The following RAVER1 variants were observed in gnomAD, a reference collection of about 807,000 sequenced individuals.
RAVER1 encodes the protein ribonucleoprotein, PTB binding 1.
In RAVER1, 36 loss-of-function variants were observed where a neutral mutation model predicts 68.4. The ratio of observed to expected loss-of-function variants is 0.53; its 90% confidence interval spans 0.40 to 0.70. RAVER1 has a LOEUF of 0.70. RAVER1 is among the 30% of genes least tolerant of loss of function. RAVER1 has a pLI of 0.00. For synonymous variants in RAVER1, 469 were observed against 472.7 expected (o/e 0.99, Z 0.10); for missense variants, 933 against 1,019.8 (o/e 0.91, Z 1.16).
chr19:10,324,287 G>A (rs543075345), intron 3 of RAVER1, among the ~76,000 whole-genome samples: 1 of 152,302 alleles, frequency 6.6e-6, no homozygotes, highest in African/African-American at 2.4e-5. Flanking sequence ...CTGAATGCCC[G>A]GGCAGCAAAG....
Position 10,320,769 on chromosome 19 carries a change from G to T in RAVER1, c.1656C>A (p.Gly552=). 6.7e-7 allele frequency: 1 copy of T among 1,481,810 alleles called. No homozygotes were observed. The allele number at this position is 1,481,810 out of a possible 1,614,324, so 91.8% of individuals were successfully genotyped here. A position where few individuals can be genotyped will look rare whatever the true frequency, so the allele number is the denominator to read the frequency against. The change falls in exon 9 of 13, where the codon GGC becomes GGA. Residue 552 remains glycine (G), a synonymous_variant. Coordinates refer to ENST00000617231, the MANE Select transcript of RAVER1 (RefSeq NM_133452.3). Reference sequence around the variant, plus strand: ...GCTGGAAGGCTTTGCTGCTGCTGCTGCCACCTCCAGGGGCTGGGGGGTTAG... The same window carrying T: ...GCTGGAAGGCTTTGCTGCTGCTGCTTCCACCTCCAGGGGCTGGGGGGTTAG... ...PPTNPPAPGG[G]SSSSKAFQLK... is the part of the protein sequence containing the mutation.
In RAVER1 at chr19:10,321,554, G is replaced by A; in HGVS notation, c.1238C>T (p.Pro413Leu). The change falls in exon 7 of 13, where the codon CCC becomes CTC. Residue 413 changes from proline to leucine, a missense_variant. Around this residue, in one of 3 missense-constraint regions of RAVER1, gnomAD observed 699 missense variants for 731.1 expected, o/e 0.96. Coordinates refer to ENST00000617231, the MANE Select transcript of RAVER1 (RefSeq NM_133452.3). ...ALQPGAQPANPLLGELPAGGG... is the reference protein window; with the variant it reads ...ALQPGAQPANLLLGELPAGGG... Reference sequence around the variant, plus strand: ...ACCTGCAGGCAGCTCCCCGAGGAGGGGGTTGGCTGGCTGGGCCCCAGGCTG... The same window carrying A: ...ACCTGCAGGCAGCTCCCCGAGGAGGAGGTTGGCTGGCTGGGCCCCAGGCTG... 1 of 1,369,492 alleles carries A rather than the reference G, an allele frequency of 7.3e-7. No homozygotes were observed. The highest frequency in any genetic ancestry group is 2.2e-5 in the South Asian group (1 of 46,300). The allele number at this position is 1,369,492 out of a possible 1,614,324, so 84.8% of individuals were successfully genotyped here.
Position 10,321,048 on chromosome 19 carries a change from C to CT in RAVER1, c.1472_1473insA (p.Val492GlyfsTer33). 1 of 1,399,338 alleles carries CT rather than the reference C, an allele frequency of 7.1e-7. No homozygotes were observed. The highest frequency in any genetic ancestry group is 3.3e-5 in the Admixed American group (1 of 29,852). The allele number at this position is 1,399,338 out of a possible 1,614,324, so 86.7% of individuals were successfully genotyped here. A position where few individuals can be genotyped will look rare whatever the true frequency, so the allele number is the denominator to read the frequency against. ...TGCCGCGCGCAGGGCAGGGCCTTAC[C>CT]CCAGGGGGCGTCGGCAGAGGCCCAC... On this transcript the variant is annotated frameshift_variant and splice_region_variant, in exon 8 of 13. Transcript: ENST00000617231. LOFTEE classifies it high-confidence loss of function.
In RAVER1 at chr19:10,328,026, C is replaced by T. The variant is rs371560737; in HGVS notation, c.756+616G>A. 1.3e-5 allele frequency among the ~76,000 whole-genome samples: 2 copies of T among 152,122 alleles called. No homozygotes were observed. Among genetic ancestry groups the T allele is most frequent in the African/African-American group, 2.4e-5 (1 of 41,416 alleles). ...CAGATCAGAGAGCCAGTGACTGGCC[C>T]GAGCTCGAGGGCGGGGCTGGGATCT... On this transcript the variant is annotated intron_variant, in intron 3 of 12. Coordinates refer to ENST00000617231, the MANE Select transcript of RAVER1 (RefSeq NM_133452.3). This position sits in a 1 kb window ranked among gnomAD's most constrained non-coding sequence, Gnocchi z 4.4.
In RAVER1 at chr19:10,328,598, T is replaced by C. The variant is rs1420973052; in HGVS notation, c.756+44A>G. 1 of 1,330,360 alleles carries C rather than the reference T, an allele frequency of 7.5e-7. No individual in the cohort carries two copies. Among genetic ancestry groups the C allele is most frequent in the South Asian group, 1.3e-5 (1 of 75,070 alleles). 82.4% of individuals were successfully genotyped at this position (1,330,360 alleles called of 1,614,324 possible). Reference sequence around the variant, plus strand: ...TGACTCCAAAGACTCTCTCAGGTGCTCCGGGCCTGGCACCTGCTCCCCAAT... The same window carrying C: ...TGACTCCAAAGACTCTCTCAGGTGCCCCGGGCCTGGCACCTGCTCCCCAAT... On this transcript the variant is annotated intron_variant, in intron 3 of 12. Transcript: ENST00000617231. The surrounding 1 kb of genome is among the most constrained non-coding windows in gnomAD (Gnocchi z 4.4).
Position 10,321,594 on chromosome 19 carries a change from G to T in RAVER1, c.1198C>A (p.Pro400Thr). The stretch of plus-strand genomic sequence containing the variant: ...GCCCCAGGCTGGAGGGCGCCCAGGG[G>T]TGAGTCTCCCAGGATGCCGGGCTTC... ...QKKPGILGDS[P>T]LGALQPGAQP... is the part of the protein sequence containing the mutation. Residue 400 changes from proline to threonine, a missense_variant, in exon 7 of 13, where the codon CCC (proline) becomes ACC (threonine). Pro to Thr is a conservative substitution (Grantham distance 38). This residue lies in a region of RAVER1 where 699 missense variants were observed against 731.1 expected (regional missense o/e 0.96). Coordinates refer to ENST00000617231, the MANE Select transcript of RAVER1 (RefSeq NM_133452.3). 7.1e-7 allele frequency: 1 copy of T among 1,406,618 alleles called. No individual in the cohort carries two copies. Among genetic ancestry groups the T allele is most frequent in the Non-Finnish European group, 9.3e-7 (1 of 1,075,638 alleles). The allele number at this position is 1,406,618 out of a possible 1,614,324, so 87.1% of individuals were successfully genotyped here.
chr19:10,318,347 C>A lies in RAVER1; in HGVS notation c.1871G>T (p.Gly624Val), dbSNP rs932512978. The A allele has an allele frequency of 1.9e-6, 3 of 1,602,476 alleles. No individual in the cohort carries two copies. The highest frequency in any genetic ancestry group is 1.7e-4 in the Middle Eastern group (1 of 6,040). Residue 624 changes from glycine to valine, a missense_variant, in exon 11 of 13, where the codon GGC becomes GTC. Coordinates refer to ENST00000617231, the MANE Select transcript of RAVER1 (RefSeq NM_133452.3). The part of the protein sequence containing the change: ...HKMSPPPSGF[G>V]ERSSGGSGGG... ...GCCACTCCCACCGCTGCTCCGTTCG[C>A]CGAAGCCACTGGGCGGGGGGGACAT...
rs773293787 is a variant in RAVER1 at position 10,323,422 on chromosome 19, G to T, written c.901C>A (p.Pro301Thr). Residue 301 changes from proline (P) to threonine (T), a missense_variant, in exon 4 of 13, where the codon CCC (proline) becomes ACC (threonine). Pro to Thr is a conservative substitution (Grantham distance 38, BLOSUM62 -1). Coordinates refer to ENST00000617231, the MANE Select transcript of RAVER1 (RefSeq NM_133452.3). This position sits in a 1 kb window ranked among gnomAD's most constrained non-coding sequence, Gnocchi z 6.2. ...GCGGCCAGCATACTGCGGCCGGGGG[G>T]CCCAGGGGCGCAGAAGGAGACTCGC... ...HLRVSFCAPG[P>T]PGRSMLAALI... 3.7e-6 allele frequency: 6 copies of T among 1,607,390 alleles called. No individual in the cohort carries two copies. Among genetic ancestry groups the T allele is most frequent in the Non-Finnish European group, 5.1e-6 (6 of 1,177,944 alleles).
chr19:10,323,675 C>T lies in RAVER1; in HGVS notation c.757-109G>A, dbSNP rs560851218. 171 of 1,130,982 alleles carry T rather than the reference C, an allele frequency of 1.5e-4. No individual in the cohort carries two copies. Among genetic ancestry groups the T allele is most frequent in the Non-Finnish European group, 2.0e-4 (162 of 811,962 alleles). 70.1% of individuals were successfully genotyped at this position (1,130,982 alleles called of 1,614,324 possible). On this transcript the variant is annotated intron_variant, in intron 3 of 12. Coordinates refer to ENST00000617231, the MANE Select transcript of RAVER1 (RefSeq NM_133452.3). The surrounding 1 kb of genome is among the most constrained non-coding windows in gnomAD (Gnocchi z 6.2). ...AGCTGCCCCATAAGGGTGAACTCCA[C>T]GCCAGGCCTCCACTGCCCTGTGCCT...
chr19:10,331,611 G>A (rs1260942678), intron 1 of RAVER1, among the ~76,000 whole-genome samples: 2 of 146,698 alleles, frequency 1.4e-5, no homozygotes, highest in African/African-American at 5.0e-5. Flanking sequence ...GCTTGAACCC[G>A]AGGGGTGAAG....
At position 10,331,393 on chromosome 19, in the gene RAVER1, C is replaced by CAAAAA. The variant is rs1171709414; in HGVS notation, c.220-872_220-868dup. ...AAAAAAAAAAAAAAAATAACAACAA[C>CAAAAA]AAAAAAAAAAAAAAAAAAAGAGGCC... is the stretch of plus-strand genomic sequence containing the variant. On this transcript the variant is annotated intron_variant, in intron 1 of 12. Transcript: ENST00000617231. Among the ~76,000 whole-genome samples the CAAAAA allele has an allele frequency of 8.9e-4, 43 of 48,520 alleles. 3 individuals carry two copies. Among genetic ancestry groups the CAAAAA allele is most frequent in the African/African-American group, 3.6e-3 (39 of 10,824 alleles). The allele number at this position is 48,520 out of a possible 152,430, so 31.8% of individuals were successfully genotyped here. A position where few individuals can be genotyped will look rare whatever the true frequency, so the allele number is the denominator to read the frequency against.
At position 10,328,434 on chromosome 19, in the gene RAVER1, C is replaced by A. The variant is rs2040489810; in HGVS notation, c.756+208G>T. Among the ~76,000 whole-genome samples the A allele has an allele frequency of 6.6e-6, 1 of 152,174 alleles. No individual in the cohort carries two copies. Among genetic ancestry groups the A allele is most frequent in the African/African-American group, 2.4e-5 (1 of 41,452 alleles). On this transcript the variant is annotated intron_variant, in intron 3 of 12. Coordinates refer to ENST00000617231, the MANE Select transcript of RAVER1 (RefSeq NM_133452.3). This position sits in a 1 kb window ranked among gnomAD's most constrained non-coding sequence, Gnocchi z 4.4. ...GGCATGGGGGCGGGGCGCCTATAAT[C>A]CCAGCTACTCTGGAGGTTAAGGCAA...
At position 10,323,034 on chromosome 19, in the gene RAVER1, A is replaced by G. The variant is rs1599301097; in HGVS notation, c.1078+111T>C. 1.1e-6 allele frequency: 1 copy of G among 937,278 alleles called. No homozygotes were observed. The highest frequency in any genetic ancestry group is 3.0e-5 in the Admixed American group (1 of 33,564). The allele number at this position is 937,278 out of a possible 1,614,324, so 58.1% of individuals were successfully genotyped here. On this transcript the variant is annotated intron_variant, in intron 5 of 12. Coordinates refer to ENST00000617231, the MANE Select transcript of RAVER1 (RefSeq NM_133452.3). This position sits in a 1 kb window ranked among gnomAD's most constrained non-coding sequence, Gnocchi z 6.2. ...TGACTCCATACTCCCCCTCGGCCCT[A>G]CTCCTGGGGCTCCTGTCACTGCAGC...
intron 1 of RAVER1, among the ~76,000 whole-genome samples, chr19:10,332,572 T>C (rs1260639306): frequency 1.3e-5 from 2 of 152,132 alleles, no homozygotes; most frequent in Non-Finnish European, 2.9e-5. Flanking sequence ...CGAGAACCTA[T>C]TTCACCGCCA....
chr19:10,317,406 CA>C lies in RAVER1; in HGVS notation c.*47del. On this transcript the variant is annotated 3_prime_UTR_variant, in exon 13 of 13. Coordinates refer to ENST00000617231, the MANE Select transcript of RAVER1 (RefSeq NM_133452.3). This position sits in a 1 kb window ranked among gnomAD's most constrained non-coding sequence, Gnocchi z 4.3. ...ACACAAAACAAAACATCAGAAAACCCAAAAGCGATTTGGTGCAGGCCCTTGA... is the reference window on the plus strand; with the variant it reads ...ACACAAAACAAAACATCAGAAAACCCAAAGCGATTTGGTGCAGGCCCTTGA... 1 of 1,597,154 alleles carries C rather than the reference CA, an allele frequency of 6.3e-7. No homozygotes were observed. Among genetic ancestry groups the C allele is most frequent in the Non-Finnish European group, 8.6e-7 (1 of 1,168,600 alleles).
intron 9 of RAVER1, among the ~76,000 whole-genome samples, chr19:10,319,865 CTT>C (rs2040421017): frequency 6.6e-6 from 1 of 151,594 alleles, no homozygotes; most frequent in Non-Finnish European, 1.5e-5. Flanking sequence ...GTCTTGAACT[CTT>C]GACCTCAGGT....
chr19:10,326,077 G>A lies in RAVER1; in HGVS notation c.757-2511C>T, dbSNP rs536085989. Among the ~76,000 whole-genome samples the A allele has an allele frequency of 3.3e-5, 5 of 152,102 alleles. 1 individual carries two copies. Among genetic ancestry groups the A allele is most frequent in the Non-Finnish European group, 2.9e-5 (2 of 67,970 alleles). On this transcript the variant is annotated intron_variant, in intron 3 of 12. Coordinates refer to ENST00000617231, the MANE Select transcript of RAVER1 (RefSeq NM_133452.3). ...TCAAGACCAGCCTGGCCAACACGGC[G>A]AAACCCCATCTCTATTAAAAACACA... is the stretch of plus-strand genomic sequence containing the variant.
chr19:10,321,570 C>A lies in RAVER1; in HGVS notation c.1222G>T (p.Ala408Ser). 1 of 1,377,752 alleles carries A rather than the reference C, an allele frequency of 7.3e-7. No homozygotes were observed. Among genetic ancestry groups the A allele is most frequent in the Non-Finnish European group, 9.4e-7 (1 of 1,058,922 alleles). 85.3% of individuals were successfully genotyped at this position (1,377,752 alleles called of 1,614,324 possible). ...CCGAGGAGGGGGTTGGCTGGCTGGG[C>A]CCCAGGCTGGAGGGCGCCCAGGGGT... is the stretch of plus-strand genomic sequence containing the variant. ...DSPLGALQPG[A>S]QPANPLLGEL... Residue 408 changes from alanine to serine, a missense_variant, in exon 7 of 13, where the codon GCC (alanine) becomes TCC (serine). Transcript: ENST00000617231.
Position 10,333,241 on chromosome 19 carries a change from C to T in RAVER1, c.219+48G>A, listed in dbSNP as rs1341041987. Reference sequence around the variant, plus strand: ...TGTCGCCCGGTTCCCCCCGCGCACGCGCACCGTGGTATTTCCCGCCACGCT... The same window carrying T: ...TGTCGCCCGGTTCCCCCCGCGCACGTGCACCGTGGTATTTCCCGCCACGCT... On this transcript the variant is annotated intron_variant, in intron 1 of 12. Coordinates refer to ENST00000617231, the MANE Select transcript of RAVER1 (RefSeq NM_133452.3). This position sits in a 1 kb window ranked among gnomAD's most constrained non-coding sequence, Gnocchi z 4.2. 1.9e-6 allele frequency: 3 copies of T among 1,554,546 alleles called. No individual in the cohort carries two copies. The highest frequency in any genetic ancestry group is 2.6e-6 in the Non-Finnish European group (3 of 1,142,440).
Sources: gnomAD v4.1 joint callset for allele counts (sites outside exome capture counted in the v4.1 genomes callset) on GRCh38, gnomAD v4.1.1 for gene constraint, gnomAD v4.1.1 regional missense constraint, Gnocchi (gnomAD v3.1) non-coding constraint, MANE v1.5 for transcripts, NCBI Gene and HGNC (gene_info 2026-07-23, HGNC 2026-07-21) for gene names.